PLXNA2: variants seen among roughly 807,000 people sequenced by gnomAD.
PLXNA2 encodes the protein plexin-A2.
In PLXNA2, 91 loss-of-function variants were observed where a neutral mutation model predicts 193.5. The ratio of observed to expected loss-of-function variants is 0.47; its 90% confidence interval spans 0.40 to 0.56. PLXNA2 has a LOEUF of 0.56. PLXNA2 is among the 20% of genes least tolerant of loss of function. PLXNA2 has a pLI of 0.00. For synonymous variants in PLXNA2, 997 were observed against 1,027.3 expected (o/e 0.97, Z 0.56); for missense variants, 1,995 against 2,503.2 (o/e 0.80, Z 4.33).
rs138624115 is a variant in PLXNA2, at chr1:208,043,103, C to A, written c.3975G>T (p.Leu1325=). The part of the protein sequence containing the change: ...LDYRTYAMRV[L]FPGIEDHPVL... ...CGGGGTGGTCCTCGATGCCCGGGAACAGGACTCGCATAGCGTAGGTACGAT... is the reference window on the plus strand; with the variant it reads ...CGGGGTGGTCCTCGATGCCCGGGAAAAGGACTCGCATAGCGTAGGTACGAT... Residue 1325 remains leucine (L), a synonymous_variant, in exon 21 of 32, where the codon CTG becomes CTT. Transcript: ENST00000367033. The A allele has an allele frequency of 6.2e-7, 1 of 1,614,120 alleles. No homozygotes were observed. Among genetic ancestry groups the A allele is most frequent in the East Asian group, 2.2e-5 (1 of 44,870 alleles).
Position 208,079,248 on chromosome 1 carries a change from T to TG in PLXNA2, c.2586+11dup. The TG allele has an allele frequency of 6.3e-7, 1 of 1,594,928 alleles. No individual in the cohort carries two copies. On this transcript the variant is annotated intron_variant, in intron 12 of 31. Coordinates refer to ENST00000367033, the MANE Select transcript of PLXNA2 (RefSeq NM_025179.4). ...GCCACCCCTTCCTGCTCTAGAGACT[T>TG]GCAGGACTTACCTCGGTGATTTGAG...
At chr1:208,035,794 C>T (rs1383612571) in intron 26 of PLXNA2, among the ~76,000 whole-genome samples, 1 of 152,190 alleles carries the variant, frequency 6.6e-6, no homozygotes. Context: ...CAGTCCCTCT[C>T]TCCCACCAAA....
At position 208,023,572 on chromosome 1, in the gene PLXNA2, A is replaced by T. The variant is rs994190146; in HGVS notation, c.*3671T>A. On this transcript the variant is annotated 3_prime_UTR_variant, in exon 32 of 32. Transcript: ENST00000367033. Reference sequence around the variant, plus strand: ...GCCAGAAGAGATGGTGGCAGTAGAAACAAGAGCAGCTCTCATCGCTGGGGG... The same window carrying T: ...GCCAGAAGAGATGGTGGCAGTAGAATCAAGAGCAGCTCTCATCGCTGGGGG... 1 of 152,734 alleles carries T rather than the reference A, an allele frequency of 6.5e-6. No homozygotes were observed. Among genetic ancestry groups the T allele is most frequent in the Non-Finnish European group, 1.5e-5 (1 of 68,112 alleles). 9.5% of individuals were successfully genotyped at this position (152,734 alleles called of 1,614,324 possible).
In PLXNA2 at chr1:208,031,634, G is replaced by A; in HGVS notation, c.5181C>T (p.His1727=). 2 of 1,614,026 alleles carry A rather than the reference G, an allele frequency of 1.2e-6. No homozygotes were observed. The highest frequency in any genetic ancestry group is 1.7e-6 in the Non-Finnish European group (2 of 1,180,002). The part of the protein sequence containing the change: ...FDFLDEQADR[H]SIHDTDVRHT... Reference sequence around the variant, plus strand: ...GCCGCACATCTGTGTCATGGATGCTGTGCCTGTCTGCCTGCTCATCTAGGA... The same window carrying A: ...GCCGCACATCTGTGTCATGGATGCTATGCCTGTCTGCCTGCTCATCTAGGA... Residue 1727 remains histidine (H), a synonymous_variant, in exon 29 of 32, where the codon CAC becomes CAT. Transcript: ENST00000367033.
chr1:208,081,968 A>G (rs2498028), intron 11 of PLXNA2, among the ~76,000 whole-genome samples: 19,657 of 152,124 alleles, frequency 0.13, 1,700 homozygotes, highest in East Asian at 0.34. Context: ...TGGACTCTGC[A>G]TGCTGCTCTC....
rs555993264 is a variant in PLXNA2 at position 208,215,229 on chromosome 1, C to T, written c.1188+1506G>A. Among the ~76,000 whole-genome samples, 119 of 152,270 alleles carry T rather than the reference C, an allele frequency of 7.8e-4. 3 individuals are homozygous for T. In the South Asian group the frequency reaches 0.024, roughly 30 times the overall value. ...CAGGCTGGTCTCGAACTCCTGAGCT[C>T]AAGCAATCTGCCTACCTTAGCCTGC... is the stretch of plus-strand genomic sequence containing the variant. On this transcript the variant is annotated intron_variant, in intron 2 of 31. Transcript: ENST00000367033.
rs1664287404 is a variant in PLXNA2, at chr1:208,024,715, A to G, written c.*2528T>C. 6.6e-6 allele frequency: 1 copy of G among 152,218 alleles called. No homozygotes were observed. The highest frequency in any genetic ancestry group is 2.1e-4 in the South Asian group (1 of 4,816). The allele number at this position is 152,218 out of a possible 1,614,324, so 9.4% of individuals were successfully genotyped here. ...AAGTAACTGCTGGGAGATGCCAGGT[A>G]GATGCATTGAGTTAAGGGCTGGTAG... On this transcript the variant is annotated 3_prime_UTR_variant, in exon 32 of 32. Coordinates refer to ENST00000367033, the MANE Select transcript of PLXNA2 (RefSeq NM_025179.4).
chr1:208,239,332 T>C (rs1170126401), intron 1 of PLXNA2, among the ~76,000 whole-genome samples: 2 of 152,182 alleles, frequency 1.3e-5, no homozygotes, highest in African/African-American at 2.4e-5. Flanking sequence ...CTTTTCTCTT[T>C]GTGTTCACTC....
At position 208,028,586 on chromosome 1, in the gene PLXNA2, T is replaced by G. The variant is rs1459371715; in HGVS notation, c.5438+244A>C. The stretch of plus-strand genomic sequence containing the variant: ...TTTTAATGAGATGATACACACAAAA[T>G]CTTTATCAGAATGCTGAATGCTTAG... On this transcript the variant is annotated intron_variant, in intron 30 of 31. Transcript: ENST00000367033. The surrounding 1 kb of genome is among the most constrained non-coding windows in gnomAD (Gnocchi z 4.2). Among the ~76,000 whole-genome samples the G allele has an allele frequency of 1.3e-5, 2 of 152,220 alleles. No homozygotes were observed. Among genetic ancestry groups the G allele is most frequent in the Non-Finnish European group, 2.9e-5 (2 of 68,050 alleles).
chr1:208,111,401 G>A (rs753742249), intron 4 of PLXNA2, among the ~76,000 whole-genome samples: 1 of 152,072 alleles, frequency 6.6e-6, no homozygotes, highest in African/African-American at 2.4e-5. Flanking sequence ...GGACCAGAAC[G>A]ATAATGGAAG....
intron 4 of PLXNA2, among the ~76,000 whole-genome samples, chr1:208,132,982 T>C (rs1183503410): frequency 6.6e-6 from 1 of 152,212 alleles, no homozygotes; most frequent in East Asian, 1.9e-4. Flanking sequence ...GTCAGGAAAC[T>C]ACTGATAGTC....
At chr1:208,226,181 TC>T in intron 1 of PLXNA2, among the ~76,000 whole-genome samples, 1 of 152,182 alleles carries the variant, frequency 6.6e-6, no homozygotes, top group African/African-American at 2.4e-5. Flanking sequence ...TTTCTGCTGT[TC>T]CTGCAGAGTG....
chr1:208,237,183 A>G (rs72741263), intron 1 of PLXNA2, among the ~76,000 whole-genome samples: 24,853 of 152,206 alleles, frequency 0.16, 2,116 homozygotes, highest in Middle Eastern at 0.26. Context: ...CTTTATGGAC[A>G]GAAAGCTTTA....
At chr1:208,086,590 G>T (rs540242631) in intron 9 of PLXNA2, among the ~76,000 whole-genome samples, 1 of 151,996 alleles carries the variant, frequency 6.6e-6, no homozygotes, top group Non-Finnish European at 1.5e-5. Flanking sequence ...GTCATCCCTT[G>T]TCAGCTGGCC....
At chr1:208,113,711 T>C (rs2102436497) in intron 4 of PLXNA2, among the ~76,000 whole-genome samples, 1 of 152,114 alleles carries the variant, frequency 6.6e-6, no homozygotes, top group South Asian at 2.1e-4. Flanking sequence ...TGTGCCACCA[T>C]GCCTGGCTAA....
intron 3 of PLXNA2, among the ~76,000 whole-genome samples, chr1:208,145,966 C>T (rs1473418443): frequency 5.9e-5 from 9 of 152,166 alleles, no homozygotes; most frequent in Non-Finnish European, 1.2e-4. Context: ...TCCCCCCACT[C>T]ACCCCCGATC....
intron 2 of PLXNA2, among the ~76,000 whole-genome samples, chr1:208,215,489 T>C (rs1035579858): frequency 4.0e-5 from 6 of 151,296 alleles, no homozygotes; most frequent in African/African-American, 4.9e-5. Context: ...TATGGAGACA[T>C]AGATTAAGGG....
intron 6 of PLXNA2, 60 bp downstream of exon 6, chr1:208,098,786 C>T (rs1233204986): frequency 6.4e-6 from 10 of 1,568,930 alleles, no homozygotes; most frequent in Non-Finnish European, 8.7e-6. Context: ...GAATGGAGCA[C>T]ACCCACACAG....
intron 20 of PLXNA2, among the ~76,000 whole-genome samples, chr1:208,043,790 C>T (rs766600047): frequency 1.3e-5 from 2 of 152,228 alleles, no homozygotes; most frequent in Admixed American, 1.3e-4. Context: ...TATTTCCCAG[C>T]CCAGCTCTTC....
Sources: allele counts gnomAD v4.1 joint callset (sites outside exome capture counted in the v4.1 genomes callset), GRCh38; gene constraint gnomAD v4.1.1; non-coding constraint Gnocchi (gnomAD v3.1); transcripts MANE v1.5; gene names NCBI Gene and HGNC (gene_info 2026-07-23, HGNC 2026-07-21).